RNF122: variants seen among roughly 807,000 people sequenced by gnomAD.
The protein encoded by RNF122 is ring finger protein 122.
Under a neutral mutation model 24.2 loss-of-function variants are expected in RNF122, and 17 were observed. That is an observed-to-expected ratio of 0.70 (90% CI 0.48 to 1.06). The LOEUF (loss-of-function observed/expected upper bound fraction) is 1.06. Among genes scored for constraint, RNF122 ranks in the 50% least tolerant of loss-of-function variants. The pLI is 0.00. For synonymous variants in RNF122, 65 were observed against 71.8 expected (o/e 0.91, Z 0.48); for missense variants, 168 against 198.1 (o/e 0.85, Z 0.91).
intron 1 of RNF122, among the ~76,000 whole-genome samples, chr8:33,565,137 C>G (rs1362609213): frequency 6.6e-6 from 1 of 152,160 alleles, no homozygotes; most frequent in African/African-American, 2.4e-5. Flanking sequence ...TCCCAGCCAA[C>G]GGGAATCTTT....
At chr8:33,554,194 G>A (rs759956077) in intron 2 of RNF122, among the ~76,000 whole-genome samples, 15 of 152,198 alleles carry the variant, frequency 9.9e-5, no homozygotes, top group Admixed American at 3.9e-4. Context: ...AGCTCACAGC[G>A]GCCTTGAGGG....
chr8:33,554,875 C>G (rs748140110), intron 2 of RNF122, among the ~76,000 whole-genome samples: 1 of 152,172 alleles, frequency 6.6e-6, no homozygotes, highest in Non-Finnish European at 1.5e-5. Context: ...GAAGAATGAG[C>G]GAGGGGCTGG....
intron 1 of RNF122, 43 bp downstream of exon 1, chr8:33,566,656 C>T (rs1385584241): frequency 1.3e-6 from 2 of 1,580,728 alleles, no homozygotes; most frequent in South Asian, 2.3e-5. Context: ...GCCGCGGCTC[C>T]CACCAGCCCC....
chr8:33,558,550 C>T, intron 2 of RNF122, 65 bp downstream of exon 2: 1 of 1,407,354 alleles, frequency 7.1e-7, no homozygotes, highest in East Asian at 2.4e-5. Context: ...GCTCAGCTTA[C>T]CCCACAACCC....
chr8:33,562,479 C>T (rs1810553341), intron 1 of RNF122, among the ~76,000 whole-genome samples: 1 of 148,558 alleles, frequency 6.7e-6, no homozygotes, highest in Non-Finnish European at 1.5e-5. Flanking sequence ...GAGGTCGAGG[C>T]TGCAGTGAGC....
intron 1 of RNF122, among the ~76,000 whole-genome samples, chr8:33,559,725 TC>T (rs1810511334): frequency 6.6e-6 from 1 of 152,068 alleles, no homozygotes; most frequent in African/African-American, 2.4e-5. Context: ...TCACCTTCCC[TC>T]TTTCTCCTCA....
Position 33,549,414 on chromosome 8 carries a change from G to T in RNF122, c.349C>A (p.Arg117Ser). The T allele has an allele frequency of 2.5e-6, 4 of 1,613,262 alleles. No homozygotes were observed. The South Asian group carries it at 4.4e-5, about 18-fold the overall frequency. Residue 117 changes from arginine to serine, a missense_variant, in exon 5 of 6, where the codon CGC (arginine) becomes AGC (serine). Physicochemically the swap from Arg to Ser is moderately radical, Grantham distance 110. Transcript: ENST00000256257. ...GVLPCQHAFHRKCLVKWLEVR... is the reference protein window; with the variant it reads ...GVLPCQHAFHSKCLVKWLEVR... ...CCTGGACACATTCCCACGTACTTGC[G>T]GTGAAAGGCGTGTTGGCACGGGAGC...
In RNF122 at chr8:33,566,807, G is replaced by A; in HGVS notation, c.-84C>T. ...CGGGGTGGGAGCACTAGCGGCGTGA[G>A]GGGCCGCAGGCGGGGTCGGGGCAGC... On this transcript the variant is annotated 5_prime_UTR_variant, in exon 1 of 6. Transcript: ENST00000256257. 1 of 1,487,708 alleles carries A rather than the reference G, an allele frequency of 6.7e-7. No individual in the cohort carries two copies. Among genetic ancestry groups the A allele is most frequent in the Non-Finnish European group, 9.2e-7 (1 of 1,087,270 alleles). 92.2% of individuals were successfully genotyped at this position (1,487,708 alleles called of 1,614,324 possible). A position where few individuals can be genotyped will look rare whatever the true frequency, so the allele number is the denominator to read the frequency against.
At position 33,558,783 on chromosome 8, in the gene RNF122, G is replaced by GA; in HGVS notation, c.26-13dup. On this transcript the variant is annotated splice_polypyrimidine_tract_variant and intron_variant, in intron 1 of 5. Coordinates refer to ENST00000256257, the MANE Select transcript of RNF122 (RefSeq NM_024787.3). Reference sequence around the variant, plus strand: ...GCCACAGAAACACCCTGCAAAGGGAGAGAAAAAAAAATCATTAGGGTTGGA... The same window carrying GA: ...GCCACAGAAACACCCTGCAAAGGGAGAAGAAAAAAAAATCATTAGGGTTGGA... The GA allele has an allele frequency of 2.7e-6, 4 of 1,482,520 alleles. No individual in the cohort carries two copies. Among genetic ancestry groups the GA allele is most frequent in the Admixed American group, 2.1e-5 (1 of 47,342 alleles). 91.8% of individuals were successfully genotyped at this position (1,482,520 alleles called of 1,614,324 possible).
intron 2 of RNF122, among the ~76,000 whole-genome samples, chr8:33,556,590 T>G (rs1810455494): frequency 1.3e-5 from 2 of 152,130 alleles, no homozygotes; most frequent in Non-Finnish European, 2.9e-5. Flanking sequence ...TCTCCAGGAT[T>G]TAAGTGTGAA....
rs917097761 is a variant in RNF122 at position 33,548,627 on chromosome 8, C to T, written c.*126G>A. ...CTGAGGGTAGAAGCCCAGTCCTAGA[C>T]CACCCTTCTCATCACTGGGAAAGTG... On this transcript the variant is annotated 3_prime_UTR_variant, in exon 6 of 6. Transcript: ENST00000256257. 21 of 687,584 alleles carry T rather than the reference C, an allele frequency of 3.1e-5. No individual in the cohort carries two copies. The African/African-American group carries it at 3.3e-4, about 11-fold the overall frequency. 42.6% of individuals were successfully genotyped at this position (687,584 alleles called of 1,614,324 possible).
intron 2 of RNF122, among the ~76,000 whole-genome samples, chr8:33,554,251 G>A (rs1325663982): frequency 6.6e-6 from 1 of 152,210 alleles, no homozygotes; most frequent in Non-Finnish European, 1.5e-5. Flanking sequence ...GAGTAAATAA[G>A]GAAGTGGTGA....
At position 33,566,876 on chromosome 8, in the gene RNF122, T is replaced by TG. The variant is rs141701554; in HGVS notation, c.-154dup. On this transcript the variant is annotated 5_prime_UTR_variant, in exon 1 of 6. Transcript: ENST00000256257. ...TGGAGAAGCCGAACTCCCTCCGGAG[T>TG]GGGGGGCTTTGACGAGGCTGGTGTT... 24,528 of 785,776 alleles carry TG rather than the reference T, an allele frequency of 0.031. 748 individuals are homozygous for TG. Among genetic ancestry groups the TG allele is most frequent in the East Asian group, 0.11 (4,117 of 36,844 alleles). The allele number at this position is 785,776 out of a possible 1,614,324, so 48.7% of individuals were successfully genotyped here.
Position 33,548,714 on chromosome 8 carries a change from G to GC in RNF122, c.*38dup, listed in dbSNP as rs770316527. 3.9e-6 allele frequency: 5 copies of GC among 1,278,760 alleles called. No homozygotes were observed. In the South Asian group the frequency reaches 5.9e-5, roughly 15 times the overall value. The allele number at this position is 1,278,760 out of a possible 1,614,324, so 79.2% of individuals were successfully genotyped here. On this transcript the variant is annotated 3_prime_UTR_variant, in exon 6 of 6. Coordinates refer to ENST00000256257, the MANE Select transcript of RNF122 (RefSeq NM_024787.3). ...TGCAGAGGGACCAGACATCCATGAG[G>GC]CAAGAGGTCTTCTCCAGGTCTCGGT...
At chr8:33,565,673 C>T (rs1229891117) in intron 1 of RNF122, among the ~76,000 whole-genome samples, 6 of 152,212 alleles carry the variant, frequency 3.9e-5, no homozygotes, top group Admixed American at 3.9e-4. Flanking sequence ...TTAGAAGCAT[C>T]ACCCAGGCCT....
chr8:33,561,542 T>C (rs1245431129), intron 1 of RNF122, among the ~76,000 whole-genome samples: 1 of 151,946 alleles, frequency 6.6e-6, no homozygotes, highest in African/African-American at 2.4e-5. Flanking sequence ...TAGTTGCCTT[T>C]TTTTTTTTAA....
intron 4 of RNF122, among the ~76,000 whole-genome samples, 182 bp from the exon 5 acceptor site, chr8:33,549,674 T>C (rs1810341862): frequency 6.6e-6 from 1 of 152,288 alleles, no homozygotes; most frequent in East Asian, 1.9e-4. Flanking sequence ...TGTTTAAATT[T>C]AAATTAACCA....
chr8:33,551,453 C>A, intron 2 of RNF122, 64 bp from the exon 3 acceptor site: 1 of 1,559,006 alleles, frequency 6.4e-7, no homozygotes, highest in Non-Finnish European at 8.8e-7. Context: ...GCAGGAGAGG[C>A]TGGCTGGCTG....
At chr8:33,548,987 G>A in intron 5 of RNF122, 120 bp from the exon 6 acceptor site, 1 of 731,776 alleles carries the variant, frequency 1.4e-6, no homozygotes, top group African/African-American at 1.7e-5. Context: ...TTGGGAGGCT[G>A]AGGCAGGTGG....
Sources: gnomAD v4.1 joint callset for allele counts (sites outside exome capture counted in the v4.1 genomes callset) on GRCh38, gnomAD v4.1.1 for gene constraint, MANE v1.5 for transcripts, NCBI Gene and HGNC (gene_info 2026-07-23, HGNC 2026-07-21) for gene names.